Variants in GALNT13 observed in about 807,000 individuals in gnomAD.
The protein encoded by GALNT13 is polypeptide N-acetylgalactosaminyltransferase 13.
GALNT13 carries 28 observed loss-of-function variants against 64.2 expected under a neutral mutation model. That is an observed-to-expected ratio of 0.44 (90% CI 0.32 to 0.60). The LOEUF (loss-of-function observed/expected upper bound fraction) is 0.60. Ranked by LOEUF, GALNT13 falls within the 20% of genes least tolerant of loss-of-function variation. The probability of loss-of-function intolerance (pLI) is 0.05; values close to 1 mark genes in which losing one functional copy is unlikely to be tolerated. For synonymous variants in GALNT13, 214 were observed against 224.6 expected, an observed-to-expected ratio of 0.95 and a Z score of 0.42; for missense variants, 577 against 669.8, an observed-to-expected ratio of 0.86 and a Z score of 1.53.
chr2:154,024,306 A>G (rs1697768123), intron 3 of GALNT13, among the ~76,000 whole-genome samples: 1 of 151,868 alleles, frequency 6.6e-6, no homozygotes, highest in Non-Finnish European at 1.5e-5. Context: ...ACTTGGTTGC[A>G]TTTCTCCCCG....
At chr2:154,268,746 ATCATAGTCCAGTTACTTTT>A (rs1000569958) in intron 8 of GALNT13, among the ~76,000 whole-genome samples, 1 of 152,078 alleles carries the variant, frequency 6.6e-6, no homozygotes, top group Non-Finnish European at 1.5e-5. Flanking sequence ...TTCTCAATAT[ATCATAGTCCAGTTACTTTT>A]AAATATCCCT....
chr2:153,937,049 C>A (rs572639876), intron 2 of GALNT13, among the ~76,000 whole-genome samples: 12 of 152,198 alleles, frequency 7.9e-5, no homozygotes, highest in African/African-American at 2.2e-4. Flanking sequence ...AACCACCTGC[C>A]TTTTGTGAGA....
the GALNT13 span, among the ~76,000 whole-genome samples, chr2:153,499,567 C>G: frequency 6.6e-6 from 1 of 152,160 alleles, no homozygotes; most frequent in Non-Finnish European, 1.5e-5. Flanking sequence ...TCCATGATGC[C>G]CAGGCTTTTC....
At chr2:153,257,680 G>C in the GALNT13 span, among the ~76,000 whole-genome samples, 8 of 152,076 alleles carry the variant, frequency 5.3e-5, no homozygotes, top group African/African-American at 1.9e-4. Context: ...AAAGTATACT[G>C]CTATGAATAA....
chr2:153,291,856 T>C, the GALNT13 span, among the ~76,000 whole-genome samples: 4 of 151,990 alleles, frequency 2.6e-5, no homozygotes, highest in South Asian at 8.3e-4. Context: ...TACCATTCGA[T>C]TGAATTGAAC....
At chr2:153,169,373 C>T in the GALNT13 span, among the ~76,000 whole-genome samples, 1 of 152,208 alleles carries the variant, frequency 6.6e-6, no homozygotes, top group African/African-American at 2.4e-5. Flanking sequence ...TTAGGATGGC[C>T]ATGATTCTTG....
At chr2:153,172,199 G>A in the GALNT13 span, 1 of 152,164 alleles carries the variant, frequency 6.6e-6, no homozygotes, top group Admixed American at 6.5e-5. Context: ...GTATTTTATT[G>A]TAAAGAGTCC....
chr2:153,992,452 A>G (rs780166467), intron 3 of GALNT13, among the ~76,000 whole-genome samples: 2 of 152,316 alleles, frequency 1.3e-5, no homozygotes, highest in East Asian at 3.9e-4. Flanking sequence ...TATAGGAAAC[A>G]TATCTGGACC....
At chr2:153,643,640 C>T in the GALNT13 span, among the ~76,000 whole-genome samples, 3 of 151,460 alleles carry the variant, frequency 2.0e-5, no homozygotes, top group East Asian at 1.9e-4. Flanking sequence ...CATCTAATAA[C>T]GGTTAGAAAA....
At chr2:153,736,649 C>T in the GALNT13 span, among the ~76,000 whole-genome samples, 10 of 152,102 alleles carry the variant, frequency 6.6e-5, no homozygotes, top group South Asian at 2.1e-3. Context: ...ATCATTTATC[C>T]ATCTATTTCT....
the GALNT13 span, among the ~76,000 whole-genome samples, chr2:153,561,210 C>T: frequency 6.6e-6 from 1 of 151,520 alleles, no homozygotes; most frequent in Non-Finnish European, 1.5e-5. Context: ...AATATCTCTG[C>T]ATATGAAGAT....
intron 3 of GALNT13, among the ~76,000 whole-genome samples, chr2:154,067,671 A>T (rs1700539449): frequency 6.6e-6 from 1 of 152,108 alleles, no homozygotes; most frequent in Non-Finnish European, 1.5e-5. Context: ...ACAAAGAAAC[A>T]TTGGACTTAA....
At chr2:153,530,342 T>G in the GALNT13 span, among the ~76,000 whole-genome samples, 1 of 151,806 alleles carries the variant, frequency 6.6e-6, no homozygotes, top group Non-Finnish European at 1.5e-5. Flanking sequence ...TAATGAAAAC[T>G]CTAAAATATT....
chr2:153,381,506 A>C, the GALNT13 span, among the ~76,000 whole-genome samples: 1 of 152,122 alleles, frequency 6.6e-6, no homozygotes, highest in East Asian at 1.9e-4. Flanking sequence ...AATAATGGAT[A>C]TGTTGCCTGC....
chr2:153,980,538 C>T (rs557534341), intron 3 of GALNT13, among the ~76,000 whole-genome samples: 14 of 152,074 alleles, frequency 9.2e-5, no homozygotes, highest in South Asian at 4.2e-4. Flanking sequence ...TATGAGGTGT[C>T]GCGTGGGTGA....
At chr2:154,113,589 G>A (rs1703108757) in intron 3 of GALNT13, among the ~76,000 whole-genome samples, 1 of 152,174 alleles carries the variant, frequency 6.6e-6, no homozygotes, top group Non-Finnish European at 1.5e-5. Context: ...GAGGTAGAAG[G>A]TCCCTGAAAT....
the GALNT13 span, among the ~76,000 whole-genome samples, chr2:153,748,862 ATACCT>A: frequency 8.6e-5 from 13 of 151,802 alleles, no homozygotes; most frequent in Non-Finnish European, 1.9e-4. Context: ...TATTATAATG[ATACCT>A]GGAAAAAAAA....
chr2:153,811,528 A>G, the GALNT13 span, among the ~76,000 whole-genome samples: 1 of 152,072 alleles, frequency 6.6e-6, no homozygotes, highest in Admixed American at 6.6e-5. Flanking sequence ...TTTTACATGT[A>G]TTTTCGTATT....
chr2:153,993,317 G>A (rs1206642973), intron 3 of GALNT13, among the ~76,000 whole-genome samples: 2 of 143,642 alleles, frequency 1.4e-5, no homozygotes, highest in African/African-American at 2.4e-5. Context: ...TGAATAAAGT[G>A]GAATAAAGTA....
Sources: gnomAD v4.1 joint callset for allele counts (sites outside exome capture counted in the v4.1 genomes callset) on GRCh38, gnomAD v4.1.1 for gene constraint, MANE v1.5 for transcripts, NCBI Gene and HGNC (gene_info 2026-07-23, HGNC 2026-07-21) for gene names.